The following IL1RL2 variants were observed in gnomAD, a reference collection of about 807,000 sequenced individuals.
The protein encoded by IL1RL2 is interleukin 1 receptor like 2.
In IL1RL2, 68 loss-of-function variants were observed where a neutral mutation model predicts 66.8. The ratio of observed to expected loss-of-function variants is 1.02; its 90% CI spans 0.84 to 1.25. IL1RL2 has a LOEUF of 1.25. Ranked by LOEUF, IL1RL2 falls within the 50% of genes most tolerant of loss-of-function variation. The probability of loss-of-function intolerance (pLI) is 0.00; values close to 1 mark genes in which losing one functional copy is unlikely to be tolerated. For synonymous variants in IL1RL2, 305 were observed against 264.6 expected, an observed-to-expected ratio of 1.15 and a Z score of -1.48; for missense variants, 729 against 709.3, an observed-to-expected ratio of 1.03 and a Z score of -0.32.
downstream of IL1RL2, among the ~76,000 whole-genome samples, chr2:102,241,632 A>G (rs1423139563): frequency 6.6e-6 from 1 of 152,216 alleles, no homozygotes; most frequent in African/African-American, 2.4e-5. Context: ...GGCATTTACC[A>G]TGTGCCAGAC....
chr2:102,209,762 C>T (rs888694659), intron 5 of IL1RL2, among the ~76,000 whole-genome samples: 7 of 152,046 alleles, frequency 4.6e-5, no homozygotes, highest in Non-Finnish European at 8.8e-5. Context: ...TTGAAGAGGG[C>T]CTGGCAGCTT....
At chr2:102,187,248 G>A (rs945204778) in intron 1 of IL1RL2, 162 bp downstream of exon 1, 9 of 1,188,374 alleles carry the variant, frequency 7.6e-6, no homozygotes, top group South Asian at 4.5e-5. Context: ...TGGGGGAGCC[G>A]ACTCCGTCTC....
intron 4 of IL1RL2, among the ~76,000 whole-genome samples, chr2:102,195,088 C>T (rs1687551517): frequency 6.6e-6 from 1 of 152,178 alleles, no homozygotes; most frequent in South Asian, 2.1e-4. Context: ...TGGTTAGCCA[C>T]ATTTGGCCCG....
chr2:102,195,631 C>CTTTCTTTCCTTCTTTCTT (rs1559530311), intron 4 of IL1RL2, among the ~76,000 whole-genome samples: 4 of 24,402 alleles, frequency 1.6e-4, no homozygotes, highest in African/African-American at 3.9e-4. Flanking sequence ...CTTTCTTTCT[C>CTTTCTTTCCTTCTTTCTT]TCTCTCTCTC....
At chr2:102,198,380 G>A (rs1176785419) in intron 4 of IL1RL2, among the ~76,000 whole-genome samples, 1 of 152,116 alleles carries the variant, frequency 6.6e-6, no homozygotes, top group African/African-American at 2.4e-5. Flanking sequence ...GACAAGGTTT[G>A]GGTATTAAGA....
rs35207951 is a variant in IL1RL2, at chr2:102,223,345, C to T, written c.992-2553C>T. Among the ~76,000 whole-genome samples the T allele has an allele frequency of 7.1e-3, 1,079 of 152,266 alleles. 5 individuals carry two copies. Among genetic ancestry groups the T allele is most frequent in the Middle Eastern group, 0.017 (5 of 294 alleles). On this transcript the variant is annotated intron_variant, in intron 8 of 11. Transcript: ENST00000264257. ...TGAATCTTATTTGGTTTTTCTGAAGCAGGGTCTCTAGAAGGTTGTTTAAAT... is the reference window on the plus strand; with the variant it reads ...TGAATCTTATTTGGTTTTTCTGAAGTAGGGTCTCTAGAAGGTTGTTTAAAT...
In IL1RL2 at chr2:102,232,995, C is replaced by A. The variant is rs1374128984; in HGVS notation, c.1168C>A (p.Pro390Thr). Residue 390 changes from proline (P) to threonine (T), a missense_variant, in exon 10 of 12, where the codon CCC becomes ACC. Physicochemically the swap from Pro to Thr is conservative, Grantham distance 38 (BLOSUM62 -1). Transcript: ENST00000264257. Reference sequence around the variant, plus strand: ...GCTGTATGACGCCTATGTCTTATACCCCAAGCCCCACAAGGAAAGCCAGAG... The same window carrying A: ...GCTGTATGACGCCTATGTCTTATACACCAAGCCCCACAAGGAAAGCCAGAG... ...GKLYDAYVLYPKPHKESQRHA... is the reference protein window; with the variant it reads ...GKLYDAYVLYTKPHKESQRHA... 6.2e-7 allele frequency: 1 copy of A among 1,614,100 alleles called. No individual in the cohort carries two copies. Among genetic ancestry groups the A allele is most frequent in the African/African-American group, 1.3e-5 (1 of 75,016 alleles).
At chr2:102,212,068 T>C (rs1388993179) in intron 5 of IL1RL2, 32 bp from the exon 6 acceptor site, 3 of 1,523,238 alleles carry the variant, frequency 2.0e-6, no homozygotes, top group Non-Finnish European at 2.7e-6. Flanking sequence ...TACGTGATTC[T>C]AATGCAATTT....
In IL1RL2 at chr2:102,232,984, A is replaced by G. The variant is rs1691267713; in HGVS notation, c.1157A>G (p.Tyr386Cys). 2 of 1,613,484 alleles carry G rather than the reference A, an allele frequency of 1.2e-6. No homozygotes were observed. Among genetic ancestry groups the G allele is most frequent in the Non-Finnish European group, 1.7e-6 (2 of 1,179,624 alleles). Residue 386 changes from tyrosine (Y) to cysteine (C), a missense_variant, in exon 10 of 12, where the codon TAT (tyrosine) becomes TGT (cysteine). Coordinates refer to ENST00000264257, the MANE Select transcript of IL1RL2 (RefSeq NM_003854.4). ...TIVDGKLYDA[Y>C]VLYPKPHKES... ...TCAGATGGGAAGCTGTATGACGCCT[A>G]TGTCTTATACCCCAAGCCCCACAAG...
At chr2:102,190,740 G>A (rs184926066) in intron 3 of IL1RL2, among the ~76,000 whole-genome samples, 39 of 152,320 alleles carry the variant, frequency 2.6e-4, no homozygotes, top group African/African-American at 8.7e-4. Flanking sequence ...AGTAGCCTAG[G>A]CTGTGAATTA....
At chr2:102,238,605 A>G (rs11692230) in intron 11 of IL1RL2, among the ~76,000 whole-genome samples, 54,030 of 151,928 alleles carry the variant, frequency 0.36, 10,153 homozygotes, top group Middle Eastern at 0.49. Context: ...TCCCTCTAAC[A>G]CATGCTTGTT....
chr2:102,203,261 T>C (rs1688425264), intron 5 of IL1RL2, among the ~76,000 whole-genome samples: 1 of 152,190 alleles, frequency 6.6e-6, no homozygotes, highest in South Asian at 2.1e-4. Flanking sequence ...TTCTAATGTA[T>C]TGTTGAATTC....
intron 3 of IL1RL2, among the ~76,000 whole-genome samples, chr2:102,190,962 T>C (rs757875412): frequency 6.6e-6 from 1 of 152,234 alleles, no homozygotes; most frequent in Non-Finnish European, 1.5e-5. Context: ...GGAAACTGTA[T>C]ATTTTTACTT....
chr2:102,189,563 C>T (rs1687047364), intron 3 of IL1RL2, among the ~76,000 whole-genome samples: 1 of 152,080 alleles, frequency 6.6e-6, no homozygotes, highest in African/African-American at 2.4e-5. Context: ...TGTGTTTGTC[C>T]CAGTATTATT....
At chr2:102,221,398 C>T (rs974814008) in intron 8 of IL1RL2, among the ~76,000 whole-genome samples, 10 of 152,148 alleles carry the variant, frequency 6.6e-5, no homozygotes, top group Admixed American at 3.9e-4. Flanking sequence ...GACAGCTCTG[C>T]GTTTCCAGCT....
chr2:102,241,467 G>A (rs1675230435), downstream of IL1RL2, among the ~76,000 whole-genome samples: 1 of 152,196 alleles, frequency 6.6e-6, no homozygotes, highest in South Asian at 2.1e-4. Flanking sequence ...CTGTAAAAAA[G>A]GGATAATACA....
At chr2:102,204,985 T>C (rs550665595) in intron 5 of IL1RL2, among the ~76,000 whole-genome samples, 4 of 152,090 alleles carry the variant, frequency 2.6e-5, no homozygotes, top group Non-Finnish European at 5.9e-5. Flanking sequence ...TGATATGACT[T>C]GATTTCTTGC....
intron 3 of IL1RL2, among the ~76,000 whole-genome samples, chr2:102,190,271 G>A (rs1425852116): frequency 6.6e-6 from 1 of 152,160 alleles, no homozygotes; most frequent in Non-Finnish European, 1.5e-5. Flanking sequence ...AGCTTTGTGG[G>A]GCCTGAATAA....
chr2:102,195,627 TTCTCTC>T lies in IL1RL2; in HGVS notation c.489+3523_489+3528del, dbSNP rs1159940295. ...TTTCTTTCTTTCTTTCTTTCTTTCTTTCTCTCTCTCTCTCTCTCTCTTTCTTTCTTT... is the reference window on the plus strand; with the variant it reads ...TTTCTTTCTTTCTTTCTTTCTTTCTTTCTCTCTCTCTCTCTTTCTTTCTTT... On this transcript the variant is annotated intron_variant, in intron 4 of 11. Transcript: ENST00000264257. Among the ~76,000 whole-genome samples, 143 of 14,648 alleles carry T rather than the reference TTCTCTC, an allele frequency of 9.8e-3. 9 individuals carry two copies. Among genetic ancestry groups the T allele is most frequent in the African/African-American group, 0.024 (135 of 5,576 alleles). 9.6% of individuals were successfully genotyped at this position (14,648 alleles called of 152,430 possible).
Sources: allele counts gnomAD v4.1 joint callset (sites outside exome capture counted in the v4.1 genomes callset), GRCh38; gene constraint gnomAD v4.1.1; transcripts MANE v1.5; gene names NCBI Gene and HGNC (gene_info 2026-07-23, HGNC 2026-07-21).